CYP19A1: variants seen among roughly 807,000 people sequenced by gnomAD.
The protein encoded by CYP19A1 is cytochrome P450 family 19 subfamily A member 1, also known as aromatase.
CYP19A1 carries 32 observed loss-of-function variants against 44.4 expected under a neutral mutation model. The observed-to-expected ratio is 0.72, with a 90% CI of 0.54 to 0.97. The LOEUF is 0.97. Among genes scored for constraint, CYP19A1 ranks in the 50% least tolerant of loss-of-function variants. CYP19A1 has a pLI of 0.00. For missense variants in CYP19A1, 598 were observed against 637.8 expected (o/e 0.94, Z 0.67); for synonymous variants, 212 against 215.6 (o/e 0.98, Z 0.14).
rs577262945 is a variant in CYP19A1, at chr15:51,288,031, G to C, written c.-38-45081C>G. On this transcript the variant is annotated intron_variant, in intron 1 of 9. Coordinates refer to ENST00000396402, the MANE Select transcript of CYP19A1 (RefSeq NM_000103.4). ...TTTGACTAAATTTCTTAAGGCACTG[G>C]AGTCTCTATTTTCCCCAGTCTAGAT... 5.5e-4 allele frequency among the ~76,000 whole-genome samples: 83 copies of C among 152,272 alleles called. 1 individual carries two copies. The South Asian group carries it at 0.017, about 31-fold the overall frequency.
At chr15:51,215,555 T>C in intron 7 of CYP19A1, 148 bp downstream of exon 7, 1 of 1,502,198 alleles carries the variant, frequency 6.7e-7, no homozygotes, top group Non-Finnish European at 9.0e-7. Context: ...ATATCTAATG[T>C]GTGGGCTATT....
chr15:51,227,886 C>G lies in CYP19A1; in HGVS notation c.344G>C (p.Arg115Pro). 1 of 1,584,168 alleles carries G rather than the reference C, an allele frequency of 6.3e-7. No homozygotes were observed. The highest frequency in any genetic ancestry group is 8.7e-7 in the Non-Finnish European group (1 of 1,152,816). ...CTGCAGCCCAAGTTTGCTGCCGAAT[C>G]GAGAGCTGTAATGATTGTGCTTCAT... ...HIMKHNHYSS[R>P]FGSKLGLQCI... Residue 115 changes from arginine to proline, a missense_variant, in exon 4 of 10, where the codon CGA becomes CCA. Arg to Pro is a moderately radical substitution (Grantham distance 103). Coordinates refer to ENST00000396402, the MANE Select transcript of CYP19A1 (RefSeq NM_000103.4).
chr15:51,222,319 G>A (rs1191066811), intron 5 of CYP19A1, 30 bp downstream of exon 5: 2 of 1,614,088 alleles, frequency 1.2e-6, no homozygotes, highest in East Asian at 4.5e-5. Flanking sequence ...AGGACAGATG[G>A]TCAAGATGTG....
intron 2 of CYP19A1, among the ~76,000 whole-genome samples, chr15:51,240,058 C>A (rs1238088869): frequency 3.4e-5 from 1 of 29,040 alleles, no homozygotes. Flanking sequence ...ACCCCGCCCC[C>A]CTCCCCCGGC....
intron 1 of CYP19A1, among the ~76,000 whole-genome samples, chr15:51,315,456 T>C (rs1023264889): frequency 1.3e-5 from 2 of 152,176 alleles, no homozygotes; most frequent in African/African-American, 2.4e-5. Context: ...TCATTTCATT[T>C]TGTAGTTGCT....
At chr15:51,269,423 A>G (rs2035044825) in intron 1 of CYP19A1, among the ~76,000 whole-genome samples, 1 of 152,098 alleles carries the variant, frequency 6.6e-6, no homozygotes, top group Non-Finnish European at 1.5e-5. Flanking sequence ...TACTATAGCT[A>G]TAGTAGGTCT....
intron 1 of CYP19A1, chr15:51,312,508 C>T (rs1048971152): frequency 2.0e-5 from 3 of 152,270 alleles, no homozygotes; most frequent in Non-Finnish European, 4.4e-5. Flanking sequence ...ACCATCCAGC[C>T]CTAGCTTCTC....
chr15:51,234,518 G>T (rs1418791485), intron 3 of CYP19A1, among the ~76,000 whole-genome samples: 1 of 152,148 alleles, frequency 6.6e-6, no homozygotes, highest in Non-Finnish European at 1.5e-5. Context: ...TTTTTCTGGA[G>T]ATTTAAGAAT....
chr15:51,295,625 CATGGAAAAATCAGTTGAATGGAATATA>C (rs1239165993), intron 1 of CYP19A1, among the ~76,000 whole-genome samples: 7 of 152,276 alleles, frequency 4.6e-5, no homozygotes, highest in African/African-American at 1.7e-4. Flanking sequence ...TGTGGAATAT[CATGGAAAAATCAGTTGAATGGAATATA>C]ATGGAAAAAC....
intron 1 of CYP19A1, among the ~76,000 whole-genome samples, chr15:51,267,340 C>T (rs1301997307): frequency 6.6e-6 from 1 of 152,052 alleles, no homozygotes; most frequent in African/African-American, 2.4e-5. Flanking sequence ...AACGCGGGGC[C>T]CCGCGTTCAA....
At chr15:51,320,981 G>GCT (rs1421328324) in intron 1 of CYP19A1, 1 of 152,308 alleles carries the variant, frequency 6.6e-6, no homozygotes, top group Admixed American at 6.5e-5. Flanking sequence ...ACACTCCAGT[G>GCT]CTCGACAGCC....
chr15:51,333,878 C>G (rs181325341), intron 1 of CYP19A1, among the ~76,000 whole-genome samples: 171 of 152,284 alleles, frequency 1.1e-3, no homozygotes, highest in African/African-American at 4.0e-3. Flanking sequence ...CCTTTGCAAC[C>G]CAGGAATGAA....
intron 2 of CYP19A1, among the ~76,000 whole-genome samples, chr15:51,240,897 G>C (rs10519296): frequency 0.033 from 5,015 of 152,244 alleles, 116 homozygotes; most frequent in Non-Finnish European, 0.046. Flanking sequence ...ATAGTGTTTT[G>C]TCTGGGCAAG....
intron 1 of CYP19A1, among the ~76,000 whole-genome samples, chr15:51,299,787 C>A (rs192743008): frequency 6.6e-6 from 1 of 152,332 alleles, no homozygotes; most frequent in East Asian, 1.9e-4. Flanking sequence ...GGAGATAAGA[C>A]CTTTGCTAAA....
chr15:51,331,535 T>C (rs1380150049), intron 1 of CYP19A1, among the ~76,000 whole-genome samples: 1 of 152,150 alleles, frequency 6.6e-6, no homozygotes, highest in Admixed American at 6.5e-5. Flanking sequence ...ATAGTTAGCA[T>C]CTTTTTTTGC....
chr15:51,223,591 T>TCACACACACA (rs1157301044), intron 4 of CYP19A1, among the ~76,000 whole-genome samples: 1,257 of 56,786 alleles, frequency 0.022, 22 homozygotes, highest in African/African-American at 0.068. Context: ...TCTCTCTCTC[T>TCACACACACA]CTCACACACA....
rs1162875254 is a variant in CYP19A1 at position 51,209,581 on chromosome 15, A to G, written c.*1227T>C. 6.6e-6 allele frequency: 1 copy of G among 152,616 alleles called. No homozygotes were observed. The highest frequency in any genetic ancestry group is 1.5e-5 in the Non-Finnish European group (1 of 68,028). The allele number at this position is 152,616 out of a possible 1,614,324, so 9.5% of individuals were successfully genotyped here. Reference sequence around the variant, plus strand: ...AAAGTGGTGTTTGGAAAGTTCCTCCATTCATTTGATTTCCTTTAGAAAGCG... The same window carrying G: ...AAAGTGGTGTTTGGAAAGTTCCTCCGTTCATTTGATTTCCTTTAGAAAGCG... On this transcript the variant is annotated 3_prime_UTR_variant, in exon 10 of 10. Coordinates refer to ENST00000396402, the MANE Select transcript of CYP19A1 (RefSeq NM_000103.4).
At chr15:51,319,029 C>G (rs1319163340) in intron 1 of CYP19A1, 1 of 152,208 alleles carries the variant, frequency 6.6e-6, no homozygotes, top group African/African-American at 2.4e-5. Flanking sequence ...CTCAGCCCCT[C>G]TGCATTCATT....
chr15:51,330,726 G>T (rs922436111), intron 1 of CYP19A1, among the ~76,000 whole-genome samples: 4 of 152,180 alleles, frequency 2.6e-5, no homozygotes, highest in Admixed American at 2.6e-4. Flanking sequence ...GGCTGAGAAG[G>T]AACAGTCGGA....
Sources: gnomAD v4.1 joint callset for allele counts (sites outside exome capture counted in the v4.1 genomes callset) on GRCh38, gnomAD v4.1.1 for gene constraint, MANE v1.5 for transcripts, NCBI Gene and HGNC (gene_info 2026-07-23, HGNC 2026-07-21) for gene names.